Variants in COMMD7 observed in about 807,000 individuals in gnomAD.
The protein encoded by COMMD7 is COMM domain-containing protein 7.
A neutral mutation model predicts 34.8 loss-of-function variants in COMMD7; 28 were observed. That is an observed-to-expected ratio of 0.80 (90% CI 0.60 to 1.10). COMMD7 has a LOEUF of 1.10. Ranked by LOEUF, COMMD7 falls within the 50% of genes least tolerant of loss-of-function variation. COMMD7 has a pLI of 0.00. For missense variants in COMMD7, 211 were observed against 241.6 expected, an observed-to-expected ratio of 0.87 and a Z score of 0.84; for synonymous variants, 80 against 86.4, an observed-to-expected ratio of 0.93 and a Z score of 0.41.
At chr20:32,714,232 C>T (rs1759153152) in intron 3 of COMMD7, among the ~76,000 whole-genome samples, 1 of 152,104 alleles carries the variant, frequency 6.6e-6, no homozygotes, top group Non-Finnish European at 1.5e-5. Flanking sequence ...GATTAAATGC[C>T]ACTTATGACT....
At chr20:32,711,402 A>C (rs1478240215) in intron 3 of COMMD7, among the ~76,000 whole-genome samples, 1 of 105,526 alleles carries the variant, frequency 9.5e-6, no homozygotes, top group Non-Finnish European at 2.2e-5. Flanking sequence ...GTCTAAAAAA[A>C]AAAAATGTTA....
At chr20:32,727,499 G>A (rs981379715) in intron 3 of COMMD7, among the ~76,000 whole-genome samples, 2 of 145,312 alleles carry the variant, frequency 1.4e-5, no homozygotes, top group African/African-American at 5.2e-5. Flanking sequence ...TTGCACCACT[G>A]CACTTCAGCC....
At chr20:32,711,844 G>A (rs1319906601) in intron 3 of COMMD7, among the ~76,000 whole-genome samples, 1 of 130,996 alleles carries the variant, frequency 7.6e-6, no homozygotes, top group Non-Finnish European at 1.6e-5. Flanking sequence ...GTGGGGTGGG[G>A]GGAGGGATAG....
intron 3 of COMMD7, among the ~76,000 whole-genome samples, chr20:32,711,122 G>A (rs769874243): frequency 7.3e-5 from 11 of 151,606 alleles, no homozygotes; most frequent in South Asian, 2.1e-4. Flanking sequence ...TTTGGCCGGG[G>A]GTGGTGGCTC....
intron 1 of COMMD7, among the ~76,000 whole-genome samples, chr20:32,737,379 A>AAAAAAAAAAG (rs1387669938): frequency 2.0e-5 from 2 of 101,622 alleles, no homozygotes; most frequent in African/African-American, 7.4e-5. Flanking sequence ...CAAAAAAAAA[A>AAAAAAAAAAG]GATAAGCCAG....
chr20:32,722,246 G>A (rs1247956939), intron 3 of COMMD7, among the ~76,000 whole-genome samples: 56 of 36,974 alleles, frequency 1.5e-3, no homozygotes, highest in Non-Finnish European at 1.7e-3. Flanking sequence ...ACTCTGTCTC[G>A]AAAAAAAAAA....
chr20:32,728,944 T>C (rs1042886542), intron 1 of COMMD7, among the ~76,000 whole-genome samples: 1 of 152,178 alleles, frequency 6.6e-6, no homozygotes, highest in Admixed American at 6.6e-5. Context: ...CACTTTATTA[T>C]ACACCTAGAA....
intron 3 of COMMD7, among the ~76,000 whole-genome samples, chr20:32,718,709 A>G (rs1368363917): frequency 6.6e-6 from 1 of 152,028 alleles, no homozygotes. Flanking sequence ...AAATAAATAC[A>G]TTAATAAAAT....
At chr20:32,720,106 G>C (rs1204802990) in intron 3 of COMMD7, among the ~76,000 whole-genome samples, 1 of 152,222 alleles carries the variant, frequency 6.6e-6, no homozygotes, top group Non-Finnish European at 1.5e-5. Context: ...GCTACATTCA[G>C]TGATGGGACC....
intron 3 of COMMD7, among the ~76,000 whole-genome samples, chr20:32,721,278 A>C (rs1181200960): frequency 6.6e-6 from 1 of 152,058 alleles, no homozygotes; most frequent in Non-Finnish European, 1.5e-5. Flanking sequence ...GCTGGAGACC[A>C]GCCTGGGCAA....
At position 32,707,764 on chromosome 20, in the gene COMMD7, C is replaced by T. The variant is rs1468039371; in HGVS notation, c.242-1004G>A. On this transcript the variant is annotated intron_variant, in intron 3 of 8. Coordinates refer to ENST00000278980, the MANE Select transcript of COMMD7 (RefSeq NM_053041.3). ...TGAGTAAGGATACGAATTCCTGGAG[C>T]AAGAGGCAGGGGAGTGTAATGTCAG... 1.3e-4 allele frequency among the ~76,000 whole-genome samples: 20 copies of T among 151,858 alleles called. 1 individual carries two copies. Among genetic ancestry groups the T allele is most frequent in the Admixed American group, 1.3e-3 (20 of 15,224 alleles).
chr20:32,736,981 G>C (rs1986157956), intron 1 of COMMD7, among the ~76,000 whole-genome samples: 1 of 152,008 alleles, frequency 6.6e-6, no homozygotes, highest in African/African-American at 2.4e-5. Context: ...AGGAGTTCGA[G>C]AGTAGCCTGA....
At chr20:32,707,608 C>T (rs1984177223) in intron 3 of COMMD7, among the ~76,000 whole-genome samples, 1 of 151,896 alleles carries the variant, frequency 6.6e-6, no homozygotes, top group Non-Finnish European at 1.5e-5. Flanking sequence ...GGGTGAGAGC[C>T]ACCATGCCTG....
Position 32,728,111 on chromosome 20 carries a change from T to C in COMMD7, c.116A>G (p.His39Arg). Residue 39 changes from histidine to arginine, a missense_variant, in exon 2 of 9, where the codon CAC becomes CGC. Physicochemically the swap from His to Arg is conservative, Grantham distance 29. Coordinates refer to ENST00000278980, the MANE Select transcript of COMMD7 (RefSeq NM_053041.3). ...QFSALTEVLF[H>R]FLTEPKEVER... The stretch of plus-strand genomic sequence containing the variant: ...TACCTCTTTTGGCTCAGTTAGGAAG[T>C]GGAAAAGCACCTCTGTCAGGGCTGA... 6.2e-7 allele frequency: 1 copy of C among 1,614,066 alleles called. No homozygotes were observed. The highest frequency in any genetic ancestry group is 8.5e-7 in the Non-Finnish European group (1 of 1,180,002).
intron 3 of COMMD7, among the ~76,000 whole-genome samples, chr20:32,713,734 G>A (rs1253572157): frequency 6.6e-6 from 1 of 152,186 alleles, no homozygotes; most frequent in African/African-American, 2.4e-5. Context: ...GAACTGAACA[G>A]ACAACAATCT....
chr20:32,728,447 TACAC>T (rs112717200), intron 1 of COMMD7, among the ~76,000 whole-genome samples: 35,679 of 150,754 alleles, frequency 0.24, 4,618 homozygotes, highest in Non-Finnish European at 0.31. Context: ...CAGACAGACA[TACAC>T]ACACACACAC....
intron 3 of COMMD7, among the ~76,000 whole-genome samples, chr20:32,718,818 CTG>C (rs1165280833): frequency 5.3e-5 from 8 of 151,872 alleles, no homozygotes; most frequent in African/African-American, 1.9e-4. Context: ...CCATCATTAA[CTG>C]TGCTTCACAG....
chr20:32,708,241 C>A (rs1339513039), intron 3 of COMMD7, among the ~76,000 whole-genome samples: 1 of 152,148 alleles, frequency 6.6e-6, no homozygotes, highest in Non-Finnish European at 1.5e-5. Context: ...CACAATTTGG[C>A]AACCACTCTC....
Position 32,714,750 on chromosome 20 carries a change from G to T in COMMD7, c.242-7990C>A, listed in dbSNP as rs1415715494. Among the ~76,000 whole-genome samples, 3 of 152,102 alleles carry T rather than the reference G, an allele frequency of 2.0e-5. No homozygotes were observed. The East Asian group carries it at 5.8e-4, about 29-fold the overall frequency. On this transcript the variant is annotated intron_variant, in intron 3 of 8. Coordinates refer to ENST00000278980, the MANE Select transcript of COMMD7 (RefSeq NM_053041.3). ...AAGGTAGAATAATCGCTTGAACCTG[G>T]GAGGTGGAGGTTGTAGTGAGCCGAG... is the stretch of plus-strand genomic sequence containing the variant.
Sources: allele counts gnomAD v4.1 joint callset (sites outside exome capture counted in the v4.1 genomes callset), GRCh38; gene constraint gnomAD v4.1.1; transcripts MANE v1.5; gene names NCBI Gene and HGNC (gene_info 2026-07-23, HGNC 2026-07-21).